Variants in CCDC158 observed in about 807,000 individuals in gnomAD.
CCDC158 encodes coiled-coil domain-containing protein 158.
CCDC158 carries 116 observed loss-of-function variants against 138.6 expected under a neutral mutation model. The ratio of observed to expected loss-of-function variants is 0.84; its 90% CI spans 0.72 to 0.98. The LOEUF (loss-of-function observed/expected upper bound fraction) is 0.98. Among genes scored for constraint, CCDC158 ranks in the 50% least tolerant of loss-of-function variants. CCDC158 has a pLI of 0.00. For synonymous variants in CCDC158, 436 were observed against 442.4 expected (o/e 0.99, Z 0.18); for missense variants, 1,265 against 1,306.1 (o/e 0.97, Z 0.48).
At chr4:76,347,312 T>C (rs1191487026) in intron 18 of CCDC158, among the ~76,000 whole-genome samples, 1 of 152,142 alleles carries the variant, frequency 6.6e-6, no homozygotes, top group Non-Finnish European at 1.5e-5. Flanking sequence ...ATAATGTGCC[T>C]GGATAGACTT....
intron 9 of CCDC158, among the ~76,000 whole-genome samples, chr4:76,376,138 C>G (rs1016160388): frequency 1.3e-5 from 2 of 151,996 alleles, no homozygotes; most frequent in African/African-American, 4.8e-5. Flanking sequence ...ATTGCAGCCT[C>G]AATCTCTCAG....
chr4:76,366,882 T>G (rs1724725531), intron 12 of CCDC158, among the ~76,000 whole-genome samples: 1 of 152,142 alleles, frequency 6.6e-6, no homozygotes. Context: ...TGTTGGGAGT[T>G]TTTTGTTTTG....
In CCDC158 at chr4:76,403,216, T is replaced by C. The variant is rs930571434; in HGVS notation, c.-9A>G. The C allele has an allele frequency of 6.4e-7, 1 of 1,564,038 alleles. No individual in the cohort carries two copies. The highest frequency in any genetic ancestry group is 8.8e-7 in the Non-Finnish European group (1 of 1,140,306). ...CAAGCTTTTGATTCCATATTAAATA[T>C]TGCTACTTCTTATTAGAGATCTTGA... is the stretch of plus-strand genomic sequence containing the variant. On this transcript the variant is annotated 5_prime_UTR_variant, in exon 3 of 25. Transcript: ENST00000682701.
chr4:76,400,630 T>C (rs572022487), intron 3 of CCDC158, among the ~76,000 whole-genome samples: 2 of 152,098 alleles, frequency 1.3e-5, no homozygotes, highest in East Asian at 3.9e-4. Flanking sequence ...TGGTGTGATT[T>C]TGAAATAAGT....
At chr4:76,333,649 G>A (rs1417687649) in intron 19 of CCDC158, among the ~76,000 whole-genome samples, 3 of 152,128 alleles carry the variant, frequency 2.0e-5, no homozygotes, top group Non-Finnish European at 2.9e-5. Context: ...CAGACACGTC[G>A]ACCTTTTGAG....
intron 2 of CCDC158, among the ~76,000 whole-genome samples, chr4:76,410,858 G>A (rs546128128): frequency 2.0e-5 from 3 of 152,312 alleles, no homozygotes; most frequent in South Asian, 2.1e-4. Context: ...GTCTCTGGAT[G>A]TTGTAATCCT....
chr4:76,414,349 A>T (rs980577686), intron 1 of CCDC158: 4 of 152,160 alleles, frequency 2.6e-5, no homozygotes, highest in Admixed American at 2.6e-4. Flanking sequence ...TTCCATATCC[A>T]ATTAATCACC....
intron 9 of CCDC158, among the ~76,000 whole-genome samples, chr4:76,376,587 A>G (rs1725740412): frequency 6.6e-6 from 1 of 152,244 alleles, no homozygotes; most frequent in Admixed American, 6.5e-5. Flanking sequence ...TAACAAAAAC[A>G]TTTTATAACA....
intron 8 of CCDC158, among the ~76,000 whole-genome samples, chr4:76,379,689 T>TA (rs1726045078): frequency 6.6e-6 from 1 of 151,882 alleles, no homozygotes. Flanking sequence ...ACAACTCAAA[T>TA]AAAATTATTT....
chr4:76,396,156 C>T (rs1339689350), intron 4 of CCDC158, 113 bp downstream of exon 4: 2 of 633,340 alleles, frequency 3.2e-6, no homozygotes, highest in Non-Finnish European at 5.2e-6. Flanking sequence ...ACCAATAAAC[C>T]CATTTGTTAG....
intron 24 of CCDC158, among the ~76,000 whole-genome samples, chr4:76,319,468 ATATATATATATATATATATATATATAT>A (rs1215804095): frequency 7.8e-5 from 1 of 12,900 alleles, no homozygotes; most frequent in Non-Finnish European, 1.3e-4. Context: ...AAAAAAAAAT[ATATATATATATATATATATATATATAT>A]ATATATATAT....
chr4:76,403,236 T>A lies in CCDC158; in HGVS notation c.-29A>T. The A allele has an allele frequency of 6.9e-7, 1 of 1,459,342 alleles. No individual in the cohort carries two copies. Among genetic ancestry groups the A allele is most frequent in the Non-Finnish European group, 9.5e-7 (1 of 1,052,968 alleles). 90.4% of individuals were successfully genotyped at this position (1,459,342 alleles called of 1,614,324 possible). A position where few individuals can be genotyped will look rare whatever the true frequency, so the allele number is the denominator to read the frequency against. On this transcript the variant is annotated 5_prime_UTR_variant, in exon 3 of 25. Transcript: ENST00000682701. ...AAATATTGCTACTTCTTATTAGAGA[T>A]CTTGAAGTATGAATGGTTCCCTCTT...
intron 18 of CCDC158, among the ~76,000 whole-genome samples, chr4:76,336,378 A>G (rs1330471114): frequency 6.6e-6 from 1 of 152,140 alleles, no homozygotes; most frequent in Non-Finnish European, 1.5e-5. Context: ...TTGTCTTTAT[A>G]TATTCCATTA....
At chr4:76,338,939 G>A (rs1010586295) in intron 18 of CCDC158, among the ~76,000 whole-genome samples, 4 of 152,134 alleles carry the variant, frequency 2.6e-5, no homozygotes, top group Admixed American at 6.5e-5. Context: ...GACTGCCAAC[G>A]AAAAGAAAGC....
intron 14 of CCDC158, among the ~76,000 whole-genome samples, chr4:76,355,682 C>T (rs1723481401): frequency 6.6e-6 from 1 of 151,812 alleles, no homozygotes; most frequent in African/African-American, 2.4e-5. Context: ...AGGGTTTTTG[C>T]CACTGGGATT....
Position 76,394,805 on chromosome 4 carries a change from T to G in CCDC158, c.288+1464A>C, listed in dbSNP as rs543442733. 5.9e-5 allele frequency among the ~76,000 whole-genome samples: 9 copies of G among 152,052 alleles called. No homozygotes were observed. The South Asian group carries it at 1.9e-3, about 32-fold the overall frequency. On this transcript the variant is annotated intron_variant, in intron 4 of 24. Coordinates refer to ENST00000682701, the MANE Select transcript of CCDC158 (RefSeq NM_001394954.1). Reference sequence around the variant, plus strand: ...AAGAAAGAAGATAGAAAACAGTGATTCCTGGAAACCATGGATCCAACCTGG... The same window carrying G: ...AAGAAAGAAGATAGAAAACAGTGATGCCTGGAAACCATGGATCCAACCTGG...
chr4:76,325,974 A>ATCTTCC lies in CCDC158; in HGVS notation c.3051_3052insGGAAGA (p.Asn1017_Ser1018insGlyArg), dbSNP rs759780425. On this transcript the variant is annotated inframe_insertion, in exon 23 of 25. Coordinates refer to ENST00000682701, the MANE Select transcript of CCDC158 (RefSeq NM_001394954.1). ...TGCACTGGAGACTTCTTAGGAGAAG[A>ATCTTCC]ATTGAATGAACGAGAAGCTGAGTTT... 2.1e-5 allele frequency: 34 copies of ATCTTCC among 1,613,316 alleles called. No homozygotes were observed. Among genetic ancestry groups the ATCTTCC allele is most frequent in the Admixed American group, 3.3e-5 (2 of 59,912 alleles).
At chr4:76,378,508 A>G (rs1579022851) in intron 9 of CCDC158, among the ~76,000 whole-genome samples, 1 of 152,326 alleles carries the variant, frequency 6.6e-6, no homozygotes, top group East Asian at 1.9e-4. Context: ...TGGGGACACT[A>G]TGGAGATGAG....
At chr4:76,321,085 T>C (rs761598237) in intron 24 of CCDC158, among the ~76,000 whole-genome samples, 8 of 151,948 alleles carry the variant, frequency 5.3e-5, no homozygotes, top group Non-Finnish European at 1.2e-4. Context: ...AATAATCCCA[T>C]TAAAAAGTCG....
Sources: allele counts gnomAD v4.1 joint callset (sites outside exome capture counted in the v4.1 genomes callset), GRCh38; gene constraint gnomAD v4.1.1; transcripts MANE v1.5; gene names NCBI Gene and HGNC (gene_info 2026-07-23, HGNC 2026-07-21).